The following UBE2G1 variants were observed in gnomAD, a reference collection of about 807,000 sequenced individuals.
The protein encoded by UBE2G1 is ubiquitin conjugating enzyme E2 G1.
A neutral mutation model predicts 22.7 loss-of-function variants in UBE2G1; 5 were observed. The ratio of observed to expected loss-of-function variants is 0.22; its 90% CI spans 0.12 to 0.46. The LOEUF is 0.46. Ranked by LOEUF, UBE2G1 falls within the 20% of genes least tolerant of loss-of-function variation. UBE2G1 has a pLI of 0.99. For synonymous variants in UBE2G1, 74 were observed against 67.5 expected (o/e 1.10, Z -0.47); for missense variants, 88 against 203.9 (o/e 0.43, Z 3.46).
chr17:4,282,416 T>C (rs1968905351), intron 5 of UBE2G1, among the ~76,000 whole-genome samples: 4 of 152,214 alleles, frequency 2.6e-5, no homozygotes, highest in Admixed American at 2.6e-4. Flanking sequence ...GGTAGATGAC[T>C]AATAGTCTTG....
chr17:4,286,404 CA>C (rs11312770), intron 4 of UBE2G1, among the ~76,000 whole-genome samples: 76,707 of 117,270 alleles, frequency 0.65, 21,683 homozygotes, highest in East Asian at 0.75. Context: ...GACTCTGTCT[CA>C]AAAAAAAAAA....
chr17:4,349,399 C>T (rs752414176), intron 1 of UBE2G1, among the ~76,000 whole-genome samples: 1 of 152,046 alleles, frequency 6.6e-6, no homozygotes, highest in Non-Finnish European at 1.5e-5. Flanking sequence ...GATCACCTGC[C>T]GTCATAACTG....
intron 1 of UBE2G1, among the ~76,000 whole-genome samples, chr17:4,320,931 A>C (rs1293345735): frequency 6.6e-6 from 1 of 152,184 alleles, no homozygotes; most frequent in Non-Finnish European, 1.5e-5. Context: ...AAAAAAACAA[A>C]AAGTAAAAAA....
In UBE2G1 at chr17:4,269,355, G is replaced by A. The variant is rs1318887488; in HGVS notation, c.*3199C>T. 1 of 152,216 alleles carries A rather than the reference G, an allele frequency of 6.6e-6. No homozygotes were observed. The highest frequency in any genetic ancestry group is 1.5e-5 in the Non-Finnish European group (1 of 68,042). The allele number at this position is 152,216 out of a possible 1,614,324, so 9.4% of individuals were successfully genotyped here. On this transcript the variant is annotated 3_prime_UTR_variant, in exon 6 of 6. Coordinates refer to ENST00000396981, the MANE Select transcript of UBE2G1 (RefSeq NM_003342.5). The stretch of plus-strand genomic sequence containing the variant: ...TAAACATCACAACAGAACTCACATA[G>A]TTAAATACAATCAACAAATTACAGA...
chr17:4,316,076 T>C (rs1021655741), intron 1 of UBE2G1, among the ~76,000 whole-genome samples: 1 of 152,062 alleles, frequency 6.6e-6, no homozygotes, highest in Admixed American at 6.6e-5. Flanking sequence ...GTGCTGGGAT[T>C]ACAAGCGTGA....
At chr17:4,290,943 T>C (rs770940070) in intron 3 of UBE2G1, among the ~76,000 whole-genome samples, 5 of 152,088 alleles carry the variant, frequency 3.3e-5, no homozygotes, top group Non-Finnish European at 5.9e-5. Context: ...GCAGTGAATA[T>C]ATGACAGGCA....
At chr17:4,337,470 C>T (rs879799845) in intron 1 of UBE2G1, among the ~76,000 whole-genome samples, 6 of 151,486 alleles carry the variant, frequency 4.0e-5, no homozygotes, top group African/African-American at 9.7e-5. Context: ...CTGGCCAACA[C>T]GGTGAAACCC....
At chr17:4,282,231 C>T (rs933288199) in intron 5 of UBE2G1, among the ~76,000 whole-genome samples, 7 of 152,072 alleles carry the variant, frequency 4.6e-5, no homozygotes, top group Admixed American at 3.9e-4. Context: ...TACAGGCACA[C>T]GCCACCAGGC....
chr17:4,274,950 G>C (rs1013963258), intron 5 of UBE2G1, among the ~76,000 whole-genome samples: 1 of 15,922 alleles, frequency 6.3e-5, no homozygotes, highest in Non-Finnish European at 2.2e-4. Flanking sequence ...CTTGAAGCTA[G>C]GAGTTCAAGG....
intron 3 of UBE2G1, among the ~76,000 whole-genome samples, chr17:4,291,192 C>T (rs1032226132): frequency 6.6e-6 from 1 of 152,074 alleles, no homozygotes; most frequent in Non-Finnish European, 1.5e-5. Context: ...GAAATCCCAT[C>T]TCTACTAAAA....
chr17:4,282,766 A>C, intron 5 of UBE2G1, 32 bp downstream of exon 5: 2 of 1,457,282 alleles, frequency 1.4e-6, no homozygotes, highest in Non-Finnish European at 1.9e-6. Flanking sequence ...ACTTACAAAA[A>C]AACAAAAGTA....
intron 1 of UBE2G1, among the ~76,000 whole-genome samples, chr17:4,310,950 G>A (rs959904383): frequency 6.6e-6 from 1 of 152,144 alleles, no homozygotes; most frequent in Non-Finnish European, 1.5e-5. Flanking sequence ...GTGGCTCACC[G>A]CTGTAATCCC....
chr17:4,364,012 C>A (rs1363378990), intron 1 of UBE2G1, among the ~76,000 whole-genome samples: 1 of 147,558 alleles, frequency 6.8e-6, no homozygotes, highest in African/African-American at 2.5e-5. Flanking sequence ...CGCCTGTAAT[C>A]CCAATACTTT....
intron 1 of UBE2G1, among the ~76,000 whole-genome samples, chr17:4,362,754 G>A (rs1969983322): frequency 6.6e-6 from 1 of 151,802 alleles, no homozygotes; most frequent in Non-Finnish European, 1.5e-5. Context: ...CAGCTACTGG[G>A]GGCCGCAGGG....
intron 3 of UBE2G1, among the ~76,000 whole-genome samples, chr17:4,290,788 T>G (rs1969026067): frequency 6.6e-6 from 1 of 150,838 alleles, no homozygotes; most frequent in Non-Finnish European, 1.5e-5. Flanking sequence ...GCTTTTTTTT[T>G]TTTTTTTTTT....
intron 1 of UBE2G1, 74 bp downstream of exon 1, chr17:4,366,197 G>T: frequency 6.9e-7 from 1 of 1,444,638 alleles, no homozygotes; most frequent in Non-Finnish European, 9.1e-7. Context: ...GCTGGCCCGG[G>T]AGGAGAAGAG....
chr17:4,281,048 ACC>A, intron 5 of UBE2G1, among the ~76,000 whole-genome samples: 1 of 152,142 alleles, frequency 6.6e-6, no homozygotes, highest in Non-Finnish European at 1.5e-5. Context: ...TAAGAATTCC[ACC>A]CCAAGTATAT....
At chr17:4,334,567 G>T (rs1969622506) in intron 1 of UBE2G1, among the ~76,000 whole-genome samples, 2 of 151,704 alleles carry the variant, frequency 1.3e-5, no homozygotes, top group East Asian at 3.9e-4. Flanking sequence ...TTTTGAGAGG[G>T]AGTCTCTGTC....
intron 1 of UBE2G1, among the ~76,000 whole-genome samples, chr17:4,363,869 G>A (rs1969997425): frequency 7.0e-6 from 1 of 141,850 alleles, no homozygotes. Context: ...GGGGAATGGC[G>A]TGAACCCGGG....
Sources: gnomAD v4.1 joint callset for allele counts (sites outside exome capture counted in the v4.1 genomes callset) on GRCh38, gnomAD v4.1.1 for gene constraint, MANE v1.5 for transcripts, NCBI Gene and HGNC (gene_info 2026-07-23, HGNC 2026-07-21) for gene names.